EIF2AK3: variants seen among roughly 807,000 people sequenced by gnomAD.
EIF2AK3 encodes the protein eukaryotic translation initiation factor 2 alpha kinase 3.
A neutral mutation model predicts 113.5 loss-of-function variants in EIF2AK3; 50 were observed. That is an observed-to-expected ratio of 0.44 (90% CI 0.35 to 0.56). EIF2AK3 has a LOEUF of 0.56. EIF2AK3 is among the 20% of genes least tolerant of loss of function. EIF2AK3 has a pLI of 0.00. For missense variants in EIF2AK3, 1,185 were observed against 1,378.0 expected (o/e 0.86, Z 2.22); for synonymous variants, 448 against 495.4 (o/e 0.90, Z 1.27).
chr2:88,613,952 T>A (rs1295554507), intron 1 of EIF2AK3, 99 bp from the exon 2 acceptor site: 2 of 1,127,524 alleles, frequency 1.8e-6, no homozygotes, highest in Non-Finnish European at 2.5e-6. Context: ...TCCAGGCCTC[T>A]ATTCGTAGAA....
chr2:88,597,506 T>C (rs750271016), intron 2 of EIF2AK3, among the ~76,000 whole-genome samples: 1 of 152,180 alleles, frequency 6.6e-6, no homozygotes, highest in Non-Finnish European at 1.5e-5. Flanking sequence ...AAACTGACCT[T>C]AAATAAACCT....
At chr2:88,588,195 A>G in intron 7 of EIF2AK3, 91 bp from the exon 8 acceptor site, 1 of 830,108 alleles carries the variant, frequency 1.2e-6, no homozygotes, top group Non-Finnish European at 1.8e-6. Context: ...TAATTGAATA[A>G]ACTGATATTC....
At chr2:88,622,832 GA>G (rs1271989080) in intron 1 of EIF2AK3, among the ~76,000 whole-genome samples, 1 of 152,114 alleles carries the variant, frequency 6.6e-6, no homozygotes, top group African/African-American at 2.4e-5. Flanking sequence ...AAAGTCTGAG[GA>G]AGACTAGATT....
chr2:88,580,816 G>C (rs1241698326), intron 10 of EIF2AK3, among the ~76,000 whole-genome samples: 1 of 152,102 alleles, frequency 6.6e-6, no homozygotes, highest in African/African-American at 2.4e-5. Flanking sequence ...AGAAGCAATA[G>C]ATTTCAACGT....
At chr2:88,625,522 T>G (rs1009997644) in intron 1 of EIF2AK3, among the ~76,000 whole-genome samples, 9 of 152,156 alleles carry the variant, frequency 5.9e-5, no homozygotes, top group Non-Finnish European at 1.3e-4. Flanking sequence ...CACAAAAACC[T>G]TGGGACATCC....
chr2:88,558,832 A>G, intron 16 of EIF2AK3, 85 bp downstream of exon 16: 3 of 1,122,280 alleles, frequency 2.7e-6, no homozygotes, highest in Non-Finnish European at 4.0e-6. Flanking sequence ...CATCTGTAAA[A>G]TAGGGGAAAC....
intron 4 of EIF2AK3, 145 bp downstream of exon 4, chr2:88,593,127 G>T: frequency 1.1e-6 from 1 of 934,544 alleles, no homozygotes; most frequent in Non-Finnish European, 1.6e-6. Context: ...GGGCGACAGA[G>T]CAAGACTCCG....
intron 9 of EIF2AK3, among the ~76,000 whole-genome samples, chr2:88,584,475 C>G (rs2104426920): frequency 7.0e-6 from 1 of 143,622 alleles, no homozygotes; most frequent in Non-Finnish European, 1.5e-5. Context: ...TGAGATGGTG[C>G]CACTGCATTC....
intron 2 of EIF2AK3, among the ~76,000 whole-genome samples, chr2:88,608,684 T>C (rs551942653): frequency 3.8e-4 from 56 of 148,114 alleles, no homozygotes; most frequent in Non-Finnish European, 3.9e-4. Context: ...GCATTTCAAA[T>C]GGCAGTTTTT....
chr2:88,562,266 T>G, intron 15 of EIF2AK3, 23 bp downstream of exon 15: 1 of 1,593,424 alleles, frequency 6.3e-7, no homozygotes, highest in Non-Finnish European at 8.6e-7. Flanking sequence ...GAAACTTTTT[T>G]TTTGAGTAGG....
intron 4 of EIF2AK3, 65 bp downstream of exon 4, chr2:88,593,206 CT>C (rs1476325971): frequency 8.8e-6 from 14 of 1,587,734 alleles, no homozygotes; most frequent in Non-Finnish European, 1.2e-5. Context: ...AAACAGAAAT[CT>C]GATAAATTTT....
chr2:88,621,537 T>G (rs1002442955), intron 1 of EIF2AK3, among the ~76,000 whole-genome samples: 1 of 152,214 alleles, frequency 6.6e-6, no homozygotes, highest in Non-Finnish European at 1.5e-5. Flanking sequence ...TTGAACCTGT[T>G]TTTTTGGCGT....
chr2:88,619,015 T>G lies in EIF2AK3; in HGVS notation c.309-5162A>C, dbSNP rs542021854. On this transcript the variant is annotated intron_variant, in intron 1 of 16. Coordinates refer to ENST00000303236, the MANE Select transcript of EIF2AK3 (RefSeq NM_004836.7). ...ATCTATCATTCTTTTTTTTTTTTTT[T>G]GGGGGGACGGAGTCTTGCTCTGTCG... 7.3e-3 allele frequency among the ~76,000 whole-genome samples: 1,102 copies of G among 151,182 alleles called. 16 individuals are homozygous for G. Among genetic ancestry groups the G allele is most frequent in the African/African-American group, 0.022 (916 of 41,216 alleles).
chr2:88,572,655 T>G (rs1674342100), intron 13 of EIF2AK3, among the ~76,000 whole-genome samples: 1 of 152,220 alleles, frequency 6.6e-6, no homozygotes, highest in Non-Finnish European at 1.5e-5. Context: ...ACCTGAATTC[T>G]CAACAGTTTA....
At chr2:88,560,560 A>G (rs567442789) in intron 15 of EIF2AK3, among the ~76,000 whole-genome samples, 27 of 152,326 alleles carry the variant, frequency 1.8e-4, no homozygotes, top group African/African-American at 6.5e-4. Context: ...GACTACAGGC[A>G]TGTGCTACCA....
intron 4 of EIF2AK3, 73 bp from the exon 5 acceptor site, chr2:88,591,125 G>T: frequency 7.6e-7 from 1 of 1,317,700 alleles, no homozygotes; most frequent in Non-Finnish European, 1.1e-6. Flanking sequence ...AACTCTTCTA[G>T]ATTGAAGAAG....
chr2:88,597,278 T>C (rs193004904), intron 2 of EIF2AK3, among the ~76,000 whole-genome samples: 71 of 151,992 alleles, frequency 4.7e-4, no homozygotes, highest in African/African-American at 1.6e-3. Context: ...CCAGTTCAAA[T>C]CCAGTTCAAA....
chr2:88,599,263 C>A (rs919029118), intron 2 of EIF2AK3, among the ~76,000 whole-genome samples: 1 of 152,062 alleles, frequency 6.6e-6, no homozygotes, highest in Admixed American at 6.5e-5. Flanking sequence ...CTGGTATATA[C>A]CTTACCTAAT....
intron 1 of EIF2AK3, among the ~76,000 whole-genome samples, chr2:88,614,067 C>T (rs1675517198): frequency 6.6e-6 from 1 of 152,130 alleles, no homozygotes; most frequent in African/African-American, 2.4e-5. Flanking sequence ...GCCCCTGACT[C>T]ATAGGTCACC....
Sources: gnomAD v4.1 joint callset for allele counts (sites outside exome capture counted in the v4.1 genomes callset) on GRCh38, gnomAD v4.1.1 for gene constraint, MANE v1.5 for transcripts, NCBI Gene and HGNC (gene_info 2026-07-23, HGNC 2026-07-21) for gene names.